Variants in LHFPL3 observed in about 807,000 individuals in gnomAD.
LHFPL3 encodes LHFPL tetraspan subfamily member 3, also known as LHFPL tetraspan subfamily member 3 protein.
A neutral mutation model predicts 19.3 loss-of-function variants in LHFPL3; 5 were observed. That is an observed-to-expected ratio of 0.26 (90% CI 0.14 to 0.54). The LOEUF is 0.54. Among genes scored for constraint, LHFPL3 ranks in the 20% least tolerant of loss-of-function variants. LHFPL3 has a pLI of 0.94. For missense variants in LHFPL3, 249 were observed against 307.4 expected (o/e 0.81, Z 1.42); for synonymous variants, 133 against 126.2 (o/e 1.05, Z -0.36).
In LHFPL3 at chr7:104,752,750, G is replaced by A. The variant is rs559029421; in HGVS notation, c.682+15839G>A. On this transcript the variant is annotated intron_variant, in intron 2 of 2. Coordinates refer to ENST00000424859, the MANE Select transcript of LHFPL3 (RefSeq NM_199000.3). The stretch of plus-strand genomic sequence containing the variant: ...ACTGTAGACGTACTCGGGATCTCTC[G>A]TCGACTTGTCCTCAATGACCACGCT... The A allele has an allele frequency of 3.4e-3, 1,351 of 396,156 alleles. 6 individuals carry two copies. The highest frequency in any genetic ancestry group is 4.7e-3 in the Non-Finnish European group (1,048 of 224,278). 24.5% of individuals were successfully genotyped at this position (396,156 alleles called of 1,614,324 possible). A position where few individuals can be genotyped will look rare whatever the true frequency, so the allele number is the denominator to read the frequency against.
chr7:104,376,916 G>T (rs1408063805), intron 1 of LHFPL3, among the ~76,000 whole-genome samples: 1 of 151,998 alleles, frequency 6.6e-6, no homozygotes, highest in Non-Finnish European at 1.5e-5. Flanking sequence ...TAGCATTGTT[G>T]CTGCTACATA....
chr7:104,389,478 A>G (rs980439296), intron 1 of LHFPL3, among the ~76,000 whole-genome samples: 9 of 152,152 alleles, frequency 5.9e-5, no homozygotes, highest in African/African-American at 1.7e-4. Context: ...CCCCTATCCA[A>G]ACCTCCAGTG....
intron 1 of LHFPL3, among the ~76,000 whole-genome samples, chr7:104,589,790 G>A (rs917067675): frequency 1.3e-5 from 2 of 152,050 alleles, no homozygotes; most frequent in African/African-American, 4.8e-5. Flanking sequence ...CAATTTCAGA[G>A]CCTGTTATTG....
intron 1 of LHFPL3, among the ~76,000 whole-genome samples, chr7:104,443,284 G>A (rs956786984): frequency 1.3e-5 from 2 of 152,130 alleles, no homozygotes; most frequent in African/African-American, 2.4e-5. Flanking sequence ...AGAATACTGC[G>A]ATAACACCCA....
intron 1 of LHFPL3, among the ~76,000 whole-genome samples, chr7:104,619,720 C>T (rs927144036): frequency 5.3e-5 from 8 of 152,120 alleles, no homozygotes; most frequent in African/African-American, 1.9e-4. Context: ...CAATGTCACA[C>T]TTTTATTCCT....
intron 1 of LHFPL3, among the ~76,000 whole-genome samples, chr7:104,587,801 T>A (rs1784737073): frequency 6.6e-6 from 1 of 152,124 alleles, no homozygotes; most frequent in Non-Finnish European, 1.5e-5. Context: ...GACTTTTTAA[T>A]GATCGCCATT....
intron 1 of LHFPL3, among the ~76,000 whole-genome samples, chr7:104,532,800 C>G (rs1794326906): frequency 6.6e-6 from 1 of 152,164 alleles, no homozygotes; most frequent in Non-Finnish European, 1.5e-5. Context: ...CATACATTCT[C>G]AAAGGCCTGC....
intron 1 of LHFPL3, among the ~76,000 whole-genome samples, chr7:104,573,409 CAAAA>C (rs11310724): frequency 8.9e-6 from 1 of 112,652 alleles, no homozygotes; most frequent in African/African-American, 3.1e-5. Context: ...AAGACCATCT[CAAAA>C]AAAAAAAAAA....
chr7:104,527,492 A>T (rs941171037), intron 1 of LHFPL3, among the ~76,000 whole-genome samples: 1 of 152,206 alleles, frequency 6.6e-6, no homozygotes, highest in African/African-American at 2.4e-5. Context: ...ACCAAGGGGA[A>T]CAGAGTTTCT....
intron 2 of LHFPL3, among the ~76,000 whole-genome samples, chr7:104,767,251 A>C: frequency 6.6e-6 from 1 of 152,240 alleles, no homozygotes; most frequent in East Asian, 1.9e-4. Context: ...GCTCCGGGTA[A>C]GATGGAGCTG....
chr7:104,419,774 G>C (rs913091224), intron 1 of LHFPL3, among the ~76,000 whole-genome samples: 5 of 152,180 alleles, frequency 3.3e-5, no homozygotes, highest in African/African-American at 1.2e-4. Flanking sequence ...AGGCTAGAGA[G>C]GATGAGATGG....
intron 1 of LHFPL3, among the ~76,000 whole-genome samples, chr7:104,391,829 C>T (rs1292965424): frequency 6.6e-6 from 1 of 152,142 alleles, no homozygotes; most frequent in Non-Finnish European, 1.5e-5. Flanking sequence ...ATGGAATGTT[C>T]TTCCATTTGT....
At chr7:104,829,012 C>T (rs1250483153) in intron 2 of LHFPL3, among the ~76,000 whole-genome samples, 2 of 136,332 alleles carry the variant, frequency 1.5e-5, no homozygotes, top group African/African-American at 5.7e-5. Context: ...GCGTGGGCAA[C>T]AGAGTGAGAC....
chr7:104,847,326 G>C (rs1294998205), intron 2 of LHFPL3, among the ~76,000 whole-genome samples: 1 of 152,190 alleles, frequency 6.6e-6, no homozygotes, highest in Non-Finnish European at 1.5e-5. Context: ...CTCTGAGGCA[G>C]TCAGAGAATA....
intron 1 of LHFPL3, among the ~76,000 whole-genome samples, chr7:104,621,598 C>T (rs1336873152): frequency 6.6e-6 from 1 of 152,170 alleles, no homozygotes; most frequent in Non-Finnish European, 1.5e-5. Context: ...AGGGAGTTGA[C>T]AGATCGCTTA....
chr7:104,532,231 C>A (rs1794311134), intron 1 of LHFPL3, among the ~76,000 whole-genome samples: 1 of 151,910 alleles, frequency 6.6e-6, no homozygotes, highest in African/African-American at 2.4e-5. Context: ...ATCCTCCTGC[C>A]TCAGCCTCCT....
chr7:104,698,442 A>T (rs1050809742), intron 1 of LHFPL3, among the ~76,000 whole-genome samples: 3 of 152,246 alleles, frequency 2.0e-5, no homozygotes, highest in African/African-American at 7.2e-5. Flanking sequence ...AAAAGCACAG[A>T]CAATAAAAGA....
chr7:104,375,107 G>A (rs973223870), intron 1 of LHFPL3, among the ~76,000 whole-genome samples: 4 of 152,238 alleles, frequency 2.6e-5, no homozygotes, highest in Non-Finnish European at 4.4e-5. Context: ...GGGAGGCCAA[G>A]GCGGGCGGAT....
intron 1 of LHFPL3, among the ~76,000 whole-genome samples, chr7:104,416,334 C>A (rs1484458335): frequency 6.6e-6 from 1 of 152,108 alleles, no homozygotes; most frequent in Non-Finnish European, 1.5e-5. Flanking sequence ...GGATTTCCAG[C>A]CTCCAGAACA....
Sources: allele counts gnomAD v4.1 joint callset (sites outside exome capture counted in the v4.1 genomes callset), GRCh38; gene constraint gnomAD v4.1.1; transcripts MANE v1.5; gene names NCBI Gene and HGNC (gene_info 2026-07-23, HGNC 2026-07-21).